The following RASAL2 variants were observed in gnomAD, a reference collection of about 807,000 sequenced individuals.
RASAL2 encodes the protein ras GTPase-activating protein nGAP.
In RASAL2, 58 loss-of-function variants were observed where a neutral mutation model predicts 128.9. That is an observed-to-expected ratio of 0.45 (90% CI 0.36 to 0.56). The LOEUF (loss-of-function observed/expected upper bound fraction) is 0.56. RASAL2 is among the 20% of genes least tolerant of loss of function. RASAL2 has a pLI of 0.00. For synonymous variants in RASAL2, 561 were observed against 580.8 expected (o/e 0.97, Z 0.49); for missense variants, 1,360 against 1,601.6 (o/e 0.85, Z 2.57).
chr1:178,284,630 C>T (rs1229157520), intron 2 of RASAL2, among the ~76,000 whole-genome samples: 1 of 152,170 alleles, frequency 6.6e-6, no homozygotes, highest in Non-Finnish European at 1.5e-5. Context: ...CCTTCCACAG[C>T]TATCTCATTT....
chr1:178,112,590 A>G (rs1265463967), intron 1 of RASAL2, among the ~76,000 whole-genome samples: 1 of 151,964 alleles, frequency 6.6e-6, no homozygotes, highest in East Asian at 1.9e-4. Flanking sequence ...TGATGAGTTC[A>G]TGTCCTTTGT....
intron 3 of RASAL2, among the ~76,000 whole-genome samples, chr1:178,384,935 C>T (rs935540113): frequency 2.0e-5 from 3 of 152,022 alleles, no homozygotes; most frequent in South Asian, 2.1e-4. Flanking sequence ...ATATGACCTT[C>T]GGTTAAACGA....
chr1:178,462,893 C>G lies in RASAL2; in HGVS notation c.3253-1385C>G, dbSNP rs1475089996. On this transcript the variant is annotated intron_variant, in intron 14 of 17. Transcript: ENST00000367649. ...TATATAACTATAATCTGTAAATCGACTAAACCAGATCTTTCTTCACACCTT... is the reference window on the plus strand; with the variant it reads ...TATATAACTATAATCTGTAAATCGAGTAAACCAGATCTTTCTTCACACCTT... Among the ~76,000 whole-genome samples the G allele has an allele frequency of 2.6e-5, 4 of 152,100 alleles. No individual in the cohort carries two copies. In the East Asian group the frequency reaches 7.7e-4, roughly 29 times the overall value.
At chr1:178,342,705 G>T (rs182315203) in intron 3 of RASAL2, among the ~76,000 whole-genome samples, 230 of 152,198 alleles carry the variant, frequency 1.5e-3, no homozygotes, top group African/African-American at 5.4e-3. Flanking sequence ...ATCTATTTTT[G>T]TAATGTATCT....
chr1:178,427,420 C>T (rs1040079945), intron 5 of RASAL2, among the ~76,000 whole-genome samples: 2 of 152,088 alleles, frequency 1.3e-5, no homozygotes, highest in Non-Finnish European at 2.9e-5. Flanking sequence ...AAAACCTTCA[C>T]AGTAATGTTC....
chr1:178,371,896 T>C (rs997026513), intron 3 of RASAL2, among the ~76,000 whole-genome samples: 9 of 152,210 alleles, frequency 5.9e-5, no homozygotes, highest in African/African-American at 2.2e-4. Flanking sequence ...TTTATTTTCG[T>C]ATGATTTTTC....
intron 1 of RASAL2, among the ~76,000 whole-genome samples, chr1:178,199,257 C>T (rs1414068505): frequency 6.6e-6 from 1 of 152,220 alleles, no homozygotes; most frequent in African/African-American, 2.4e-5. Context: ...CCTTGCGCTT[C>T]CCGGGTGAGG....
At chr1:178,132,452 AT>A (rs1425254713) in intron 1 of RASAL2, among the ~76,000 whole-genome samples, 1 of 152,194 alleles carries the variant, frequency 6.6e-6, no homozygotes, top group Non-Finnish European at 1.5e-5. Context: ...CTTGAAGATC[AT>A]ATAAGCAAGC....
intron 3 of RASAL2, among the ~76,000 whole-genome samples, chr1:178,338,614 C>T (rs1196917696): frequency 6.6e-6 from 1 of 152,144 alleles, no homozygotes; most frequent in Non-Finnish European, 1.5e-5. Context: ...CTTTTAGAAA[C>T]ACTATATTTG....
At chr1:178,414,710 A>T (rs1281349747) in intron 4 of RASAL2, among the ~76,000 whole-genome samples, 1 of 152,158 alleles carries the variant, frequency 6.6e-6, no homozygotes, top group Non-Finnish European at 1.5e-5. Flanking sequence ...GTTTCATGGA[A>T]TTCACCAGAG....
intron 1 of RASAL2, among the ~76,000 whole-genome samples, chr1:178,186,005 A>C (rs1195611403): frequency 1.3e-5 from 2 of 152,094 alleles, no homozygotes; most frequent in Admixed American, 6.5e-5. Flanking sequence ...CATTGAAACT[A>C]TCTGGACCTG....
chr1:178,298,615 G>A (rs1667620857), intron 2 of RASAL2, among the ~76,000 whole-genome samples: 1 of 152,106 alleles, frequency 6.6e-6, no homozygotes, highest in African/African-American at 2.4e-5. Flanking sequence ...ATCAATTGAT[G>A]CAATACATGT....
chr1:178,254,446 A>G (rs2102100047), intron 1 of RASAL2, among the ~76,000 whole-genome samples: 1 of 152,380 alleles, frequency 6.6e-6, no homozygotes, highest in African/African-American at 2.4e-5. Flanking sequence ...CAGTGAAATT[A>G]TTGAAACTTA....
At position 178,458,050 on chromosome 1, in the gene RASAL2, T is replaced by G; in HGVS notation, c.2758T>G (p.Leu920Val). The G allele has an allele frequency of 6.2e-7, 1 of 1,614,156 alleles. No individual in the cohort carries two copies. The highest frequency in any genetic ancestry group is 8.5e-7 in the Non-Finnish European group (1 of 1,180,036). Reference protein sequence around the residue: ...ALNQPGGLQPLSFQNPVYHLN... With the variant: ...ALNQPGGLQPVSFQNPVYHLN... ...GAACCAGCCAGGTGGCCTTCAGCCC[T>G]TGTCGTTCCAGAACCCTGTCTATCA... Residue 920 changes from leucine to valine, a missense_variant, in exon 14 of 18, where the codon TTG becomes GTG. By Grantham distance (32) the Leu-to-Val change is conservative (BLOSUM62 1). Around this residue, in one of 3 missense-constraint regions of RASAL2, gnomAD observed 741 missense variants for 868.6 expected, o/e 0.85. Transcript: ENST00000367649.
At chr1:178,277,306 G>T (rs970576295) in intron 1 of RASAL2, among the ~76,000 whole-genome samples, 1 of 152,018 alleles carries the variant, frequency 6.6e-6, no homozygotes, top group Non-Finnish European at 1.5e-5. Context: ...CTACAGGCAC[G>T]CACCACCATG....
intron 9 of RASAL2, among the ~76,000 whole-genome samples, chr1:178,449,715 G>A (rs1207496968): frequency 1.3e-5 from 2 of 152,010 alleles, no homozygotes; most frequent in African/African-American, 4.8e-5. Flanking sequence ...AACAGTTAAA[G>A]TATTATTTTT....
chr1:178,371,104 C>A (rs753501279), intron 3 of RASAL2, among the ~76,000 whole-genome samples: 2 of 151,416 alleles, frequency 1.3e-5, no homozygotes, highest in African/African-American at 2.4e-5. Flanking sequence ...TGTGAACATA[C>A]CTCTTCTGCT....
At chr1:178,160,344 C>G (rs759838868) in intron 1 of RASAL2, among the ~76,000 whole-genome samples, 1 of 152,034 alleles carries the variant, frequency 6.6e-6, no homozygotes, top group Non-Finnish European at 1.5e-5. Context: ...TGTATTAAAC[C>G]TATTGTGTCG....
In RASAL2 at chr1:178,094,461, G is replaced by A. The variant is rs1435043535; in HGVS notation, c.-32G>A. On this transcript the variant is annotated 5_prime_UTR_variant, in exon 1 of 18. Transcript: ENST00000367649. ...CCGCGCGCCAGCCCGCCCCGAAGCC[G>A]CCGCCTCGTCCCCCTCCCGCCTCGG... The A allele has an allele frequency of 6.6e-6, 10 of 1,514,472 alleles. No individual in the cohort carries two copies. The East Asian group carries it at 2.0e-4, about 30-fold the overall frequency. 93.8% of individuals were successfully genotyped at this position (1,514,472 alleles called of 1,614,324 possible). A position where few individuals can be genotyped will look rare whatever the true frequency, so the allele number is the denominator to read the frequency against.
Sources: allele counts gnomAD v4.1 joint callset (sites outside exome capture counted in the v4.1 genomes callset), GRCh38; gene constraint gnomAD v4.1.1; regional missense constraint gnomAD v4.1.1; transcripts MANE v1.5; gene names NCBI Gene and HGNC (gene_info 2026-07-23, HGNC 2026-07-21).